Variants in ACBD6 observed in about 807,000 individuals in gnomAD.
ACBD6 encodes the protein acyl-CoA-binding domain-containing protein 6.
ACBD6 carries 28 observed loss-of-function variants against 37.2 expected under a neutral mutation model. The observed-to-expected ratio is 0.75, with a 90% CI of 0.56 to 1.03. The LOEUF is 1.03. Ranked by LOEUF, ACBD6 falls within the 50% of genes least tolerant of loss-of-function variation. ACBD6 has a pLI of 0.00. For synonymous variants in ACBD6, 113 were observed against 126.8 expected (o/e 0.89, Z 0.73); for missense variants, 340 against 337.4 (o/e 1.01, Z -0.06).
At chr1:180,433,731 G>C (rs985261227) in intron 3 of ACBD6, among the ~76,000 whole-genome samples, 2 of 151,994 alleles carry the variant, frequency 1.3e-5, no homozygotes, top group African/African-American at 4.8e-5. Context: ...TACATAATTA[G>C]GTGTGTCAGG....
chr1:180,443,051 T>C (rs957967970), intron 3 of ACBD6, among the ~76,000 whole-genome samples: 9 of 152,202 alleles, frequency 5.9e-5, no homozygotes, highest in African/African-American at 2.2e-4. Context: ...AAGCAAGGCA[T>C]TGTAATAAAT....
intron 2 of ACBD6, among the ~76,000 whole-genome samples, chr1:180,494,813 G>C (rs959668918): frequency 6.6e-6 from 1 of 152,084 alleles, no homozygotes; most frequent in African/African-American, 2.4e-5. Context: ...CTTAGACAAG[G>C]TAAGAGAAGA....
At chr1:180,336,749 A>G (rs1651737528) in intron 6 of ACBD6, among the ~76,000 whole-genome samples, 1 of 152,250 alleles carries the variant, frequency 6.6e-6, no homozygotes, top group Admixed American at 6.5e-5. Context: ...AAAAATTGAT[A>G]GACTGCTAGC....
chr1:180,358,478 T>C (rs1284331664), intron 6 of ACBD6, among the ~76,000 whole-genome samples: 1 of 151,374 alleles, frequency 6.6e-6, no homozygotes. Flanking sequence ...CATTTTAGCA[T>C]GTATTCTAAA....
chr1:180,341,385 T>G (rs1431058039), intron 6 of ACBD6, among the ~76,000 whole-genome samples: 1 of 152,154 alleles, frequency 6.6e-6, no homozygotes, highest in East Asian at 1.9e-4. Flanking sequence ...CATTTTTGTT[T>G]TAAAATTGTA....
intron 3 of ACBD6, among the ~76,000 whole-genome samples, chr1:180,459,086 T>C (rs1355614551): frequency 6.6e-6 from 1 of 152,170 alleles, no homozygotes; most frequent in Admixed American, 6.6e-5. Context: ...TAATTCATAT[T>C]ATAAAGCACT....
chr1:180,492,033 C>T (rs187994158), intron 3 of ACBD6, among the ~76,000 whole-genome samples: 806 of 152,262 alleles, frequency 5.3e-3, no homozygotes, highest in Non-Finnish European at 8.4e-3. Context: ...CGGTCTTGAA[C>T]TCTTACCTCA....
intron 1 of ACBD6, among the ~76,000 whole-genome samples, chr1:180,501,436 C>T (rs1322723529): frequency 1.3e-5 from 2 of 152,170 alleles, no homozygotes; most frequent in Non-Finnish European, 2.9e-5. Context: ...CCGCAACCTC[C>T]GCCTCCTCAG....
chr1:180,297,872 C>T (rs1649984695), intron 7 of ACBD6, among the ~76,000 whole-genome samples: 1 of 152,140 alleles, frequency 6.6e-6, no homozygotes, highest in African/African-American at 2.4e-5. Context: ...TTCTGAGTAG[C>T]TGGGATTACA....
chr1:180,464,005 C>G (rs951199589), intron 3 of ACBD6, among the ~76,000 whole-genome samples: 3 of 152,044 alleles, frequency 2.0e-5, no homozygotes, highest in Admixed American at 6.5e-5. Flanking sequence ...ACTCAACATC[C>G]CTTCATGTTA....
At chr1:180,426,055 T>C (rs754186574) in intron 4 of ACBD6, among the ~76,000 whole-genome samples, 3 of 152,226 alleles carry the variant, frequency 2.0e-5, no homozygotes, top group African/African-American at 4.8e-5. Context: ...CTTTTGTGTC[T>C]GACCACAAGC....
intron 6 of ACBD6, among the ~76,000 whole-genome samples, chr1:180,361,264 CTTTTTTTTTCCTTTTTT>C (rs1215577821): frequency 0.025 from 2,978 of 118,348 alleles, 103 homozygotes; most frequent in African/African-American, 0.088. Context: ...TTACAAGCAA[CTTTTTTTTTCCTTTTTT>C]TTTTTTTTTT....
At chr1:180,347,248 C>A (rs74132465) in intron 6 of ACBD6, among the ~76,000 whole-genome samples, 1 of 151,056 alleles carries the variant, frequency 6.6e-6, no homozygotes, top group African/African-American at 2.4e-5. Flanking sequence ...GAACGAAAGA[C>A]GAAATATCTG....
intron 4 of ACBD6, among the ~76,000 whole-genome samples, chr1:180,429,183 C>T (rs575511742): frequency 1.3e-5 from 2 of 152,220 alleles, no homozygotes; most frequent in South Asian, 4.1e-4. Context: ...GTTGTGCAAT[C>T]CCCGTAACTT....
intron 3 of ACBD6, among the ~76,000 whole-genome samples, chr1:180,437,878 G>T (rs1649114736): frequency 6.6e-6 from 1 of 152,156 alleles, no homozygotes. Context: ...ATCTGGAGTA[G>T]ATTGTTCCAG....
chr1:180,433,649 G>A (rs969913159), intron 3 of ACBD6, among the ~76,000 whole-genome samples: 2 of 151,660 alleles, frequency 1.3e-5, no homozygotes, highest in South Asian at 2.1e-4. Context: ...GAGAGAGTGC[G>A]CACAAAAGAG....
At chr1:180,289,265 C>T (rs1649611282) in intron 7 of ACBD6, among the ~76,000 whole-genome samples, 1 of 151,986 alleles carries the variant, frequency 6.6e-6, no homozygotes, top group South Asian at 2.1e-4. Flanking sequence ...AATAAAGACC[C>T]AATGATTAGA....
At chr1:180,461,693 C>T (rs1571542312) in intron 3 of ACBD6, among the ~76,000 whole-genome samples, 1 of 152,256 alleles carries the variant, frequency 6.6e-6, no homozygotes, top group Non-Finnish European at 1.5e-5. Flanking sequence ...GAAATAAGAT[C>T]CTTTTCAGAA....
intron 1 of ACBD6, among the ~76,000 whole-genome samples, chr1:180,498,546 C>CA (rs1005727077): frequency 6.6e-6 from 1 of 152,100 alleles, no homozygotes; most frequent in African/African-American, 2.4e-5. Flanking sequence ...AGACTTGACT[C>CA]AAGGGTTAAT....
Sources: allele counts gnomAD v4.1 joint callset (sites outside exome capture counted in the v4.1 genomes callset), GRCh38; gene constraint gnomAD v4.1.1; transcripts MANE v1.5; gene names NCBI Gene and HGNC (gene_info 2026-07-23, HGNC 2026-07-21).